PTPRD: variants seen among roughly 807,000 people sequenced by gnomAD.
PTPRD encodes protein tyrosine phosphatase receptor type D.
In PTPRD, 34 loss-of-function variants were observed where a neutral mutation model predicts 214.5. The ratio of observed to expected loss-of-function variants is 0.16; its 90% confidence interval spans 0.12 to 0.21. The LOEUF is 0.21. Ranked by LOEUF, PTPRD falls within the 10% of genes least tolerant of loss-of-function variation. PTPRD has a pLI of 1.00. For missense variants in PTPRD, 2,545 were observed against 2,398.7 expected (o/e 1.06, Z -1.27); for synonymous variants, 1,128 against 845.7 (o/e 1.33, Z -5.79).
intron 2 of PTPRD, among the ~76,000 whole-genome samples, chr9:10,344,598 T>C (rs963496822): frequency 1.1e-4 from 17 of 152,336 alleles, no homozygotes; most frequent in African/African-American, 1.7e-4. Flanking sequence ...GAGGATGGCA[T>C]TGAATCTATA....
At chr9:8,330,889 C>CTAAAATATATTAGTT (rs1554698795) in intron 44 of PTPRD, among the ~76,000 whole-genome samples, 7 of 150,004 alleles carry the variant, frequency 4.7e-5, no homozygotes, top group African/African-American at 7.6e-5. Context: ...TGCCAGAACC[C>CTAAAATATATTAGTT]TAAAATATAT....
At chr9:8,397,923 A>G (rs1251397197) in intron 36 of PTPRD, among the ~76,000 whole-genome samples, 4 of 152,156 alleles carry the variant, frequency 2.6e-5, no homozygotes, top group African/African-American at 9.7e-5. Flanking sequence ...CAGATGATAT[A>G]TATTTGAATT....
intron 8 of PTPRD, among the ~76,000 whole-genome samples, chr9:9,531,256 G>T (rs2075393505): frequency 6.6e-6 from 1 of 152,046 alleles, no homozygotes; most frequent in Admixed American, 6.6e-5. Flanking sequence ...CTTACTTACG[G>T]GTTCATATGA....
At chr9:9,875,590 T>C (rs1039710577) in intron 5 of PTPRD, among the ~76,000 whole-genome samples, 6 of 152,114 alleles carry the variant, frequency 3.9e-5, no homozygotes, top group Non-Finnish European at 8.8e-5. Flanking sequence ...TATTAAATTA[T>C]CTAATATCTA....
At chr9:8,487,937 G>C (rs922974100) in intron 27 of PTPRD, among the ~76,000 whole-genome samples, 2 of 152,154 alleles carry the variant, frequency 1.3e-5, no homozygotes, top group Non-Finnish European at 2.9e-5. Flanking sequence ...GCTGAGGTGG[G>C]AGAATTGCTT....
At chr9:9,531,664 G>A (rs2075498318) in intron 8 of PTPRD, among the ~76,000 whole-genome samples, 1 of 152,050 alleles carries the variant, frequency 6.6e-6, no homozygotes. Context: ...TCAATTCAGT[G>A]GGTGATAGGC....
At chr9:8,553,425 G>C (rs993243013) in intron 14 of PTPRD, among the ~76,000 whole-genome samples, 3 of 152,140 alleles carry the variant, frequency 2.0e-5, no homozygotes, top group African/African-American at 7.2e-5. Context: ...TTGCTTTCAT[G>C]TATCTTCTGA....
At chr9:10,463,502 A>G (rs925450594) in intron 2 of PTPRD, among the ~76,000 whole-genome samples, 2 of 152,216 alleles carry the variant, frequency 1.3e-5, no homozygotes, top group Admixed American at 6.5e-5. Flanking sequence ...CTTTACAAAA[A>G]GATTTGAAAG....
intron 3 of PTPRD, among the ~76,000 whole-genome samples, chr9:10,219,426 C>A (rs2099555756): frequency 6.6e-6 from 1 of 151,768 alleles, no homozygotes; most frequent in East Asian, 1.9e-4. Flanking sequence ...GAGTTAATTT[C>A]TATTCATGCT....
At chr9:8,949,286 A>C (rs2154303073) in intron 11 of PTPRD, among the ~76,000 whole-genome samples, 1 of 152,212 alleles carries the variant, frequency 6.6e-6, no homozygotes, top group Non-Finnish European at 1.5e-5. Context: ...TTGGTAGATA[A>C]AACATGTGAA....
chr9:8,608,310 T>C (rs1247370345), intron 14 of PTPRD, among the ~76,000 whole-genome samples: 4 of 152,090 alleles, frequency 2.6e-5, no homozygotes, highest in Non-Finnish European at 5.9e-5. Context: ...AACGGCACAT[T>C]ATAAAATTTT....
At chr9:9,609,347 A>G (rs1352865596) in intron 7 of PTPRD, among the ~76,000 whole-genome samples, 1 of 152,212 alleles carries the variant, frequency 6.6e-6, no homozygotes, top group Non-Finnish European at 1.5e-5. Context: ...CTTTCTTTAA[A>G]CATTTCCCAT....
chr9:10,559,502 C>T (rs914023294), intron 2 of PTPRD, among the ~76,000 whole-genome samples: 14 of 152,074 alleles, frequency 9.2e-5, no homozygotes, highest in Non-Finnish European at 1.9e-4. Context: ...CTGATACACA[C>T]TAAGCTTTCT....
At chr9:9,788,240 C>A (rs1412137369) in intron 5 of PTPRD, among the ~76,000 whole-genome samples, 1 of 151,186 alleles carries the variant, frequency 6.6e-6, no homozygotes, top group South Asian at 2.1e-4. Flanking sequence ...CAAAAGGATG[C>A]CATGAAAAAA....
chr9:8,416,968 A>G (rs2093982528), intron 35 of PTPRD, among the ~76,000 whole-genome samples: 1 of 152,148 alleles, frequency 6.6e-6, no homozygotes, highest in Non-Finnish European at 1.5e-5. Context: ...CTTTGAAGAC[A>G]GAGCTCTTAA....
chr9:9,315,473 T>C (rs1411801392), intron 9 of PTPRD, among the ~76,000 whole-genome samples: 1 of 152,122 alleles, frequency 6.6e-6, no homozygotes, highest in South Asian at 2.1e-4. Flanking sequence ...AGCCTGCCCA[T>C]CCAATTCCAA....
At chr9:9,038,304 T>C in intron 10 of PTPRD, among the ~76,000 whole-genome samples, 1 of 152,182 alleles carries the variant, frequency 6.6e-6, no homozygotes, top group East Asian at 1.9e-4. Flanking sequence ...CAGGACAGTT[T>C]GGTCTAGGCT....
chr9:10,122,178 C>T (rs1446662764), intron 3 of PTPRD, among the ~76,000 whole-genome samples: 1 of 151,986 alleles, frequency 6.6e-6, no homozygotes, highest in African/African-American at 2.4e-5. Context: ...CATGGTGGTG[C>T]TTGCCTGTAA....
intron 5 of PTPRD, among the ~76,000 whole-genome samples, chr9:9,859,187 C>G (rs540308815): frequency 6.6e-6 from 1 of 152,274 alleles, no homozygotes; most frequent in South Asian, 2.1e-4. Context: ...TGCCTTCTGC[C>G]GTGATTGTAA....
Sources: gnomAD v4.1 joint callset for allele counts (sites outside exome capture counted in the v4.1 genomes callset) on GRCh38, gnomAD v4.1.1 for gene constraint, MANE v1.5 for transcripts, NCBI Gene and HGNC (gene_info 2026-07-23, HGNC 2026-07-21) for gene names.